The following THADA variants were observed in gnomAD, a reference collection of about 807,000 sequenced individuals.
The protein encoded by THADA is tRNA (32-2'-O)-methyltransferase regulator THADA.
THADA carries 213 observed loss-of-function variants against 219.8 expected under a neutral mutation model. The ratio of observed to expected loss-of-function variants is 0.97; its 90% CI spans 0.87 to 1.09. The LOEUF (loss-of-function observed/expected upper bound fraction) is 1.09, where lower values mean the gene tolerates loss of function less well. Ranked by LOEUF, THADA falls within the 50% of genes least tolerant of loss-of-function variation. THADA has a pLI of 0.00. For synonymous variants in THADA, 1,018 were observed against 828.9 expected (o/e 1.23, Z -3.92); for missense variants, 2,956 against 2,311.3 (o/e 1.28, Z -5.72).
chr2:43,243,139 T>C (rs1459586657), intron 36 of THADA, among the ~76,000 whole-genome samples: 1 of 152,188 alleles, frequency 6.6e-6, no homozygotes, highest in Non-Finnish European at 1.5e-5. Flanking sequence ...TCCTCCTCCC[T>C]GACTTCCACT....
chr2:43,259,282 C>T (rs1472621279), intron 36 of THADA, among the ~76,000 whole-genome samples: 3 of 152,230 alleles, frequency 2.0e-5, no homozygotes, highest in Admixed American at 2.0e-4. Context: ...CTCAAGACTA[C>T]TCAAGACTAC....
At chr2:43,361,978 T>C (rs571886056) in intron 29 of THADA, among the ~76,000 whole-genome samples, 1 of 152,354 alleles carries the variant, frequency 6.6e-6, no homozygotes, top group African/African-American at 2.4e-5. Flanking sequence ...TAAATTCACA[T>C]ATCCAGAGGT....
In THADA at chr2:43,556,537, C is replaced by A; in HGVS notation, c.2482G>T (p.Gly828Cys). ...AGCTCCAATGCTGCCTGAAATAAGC[C>A]TTGCAGTTTCCCCGAATCCTAGAAT... ...VHFQDSGKLQ[G>C]LFQAALELST... Residue 828 changes from glycine to cysteine, a missense_variant, in exon 17 of 38, where the codon GGC (glycine) becomes TGC (cysteine). Physicochemically the swap from Gly to Cys is radical, Grantham distance 159. Transcript: ENST00000405975. 1 of 1,613,612 alleles carries A rather than the reference C, an allele frequency of 6.2e-7. No individual in the cohort carries two copies. The highest frequency in any genetic ancestry group is 1.1e-5 in the South Asian group (1 of 91,060).
intron 29 of THADA, among the ~76,000 whole-genome samples, chr2:43,347,922 CAG>C (rs1403116701): frequency 2.6e-5 from 4 of 152,122 alleles, no homozygotes; most frequent in Admixed American, 2.0e-4. Context: ...AAGATTTCTT[CAG>C]AGAGTGCTGT....
At chr2:43,299,247 A>T (rs6719754) in intron 31 of THADA, among the ~76,000 whole-genome samples, 33,093 of 152,112 alleles carry the variant, frequency 0.22, 4,471 homozygotes, top group African/African-American at 0.38. Flanking sequence ...GGATAAAGGA[A>T]GCTTAACTGC....
chr2:43,490,824 A>G (rs1454021918), intron 25 of THADA, among the ~76,000 whole-genome samples: 1 of 152,136 alleles, frequency 6.6e-6, no homozygotes, highest in Non-Finnish European at 1.5e-5. Context: ...AGGGTTTAGT[A>G]CTAACCATGG....
At chr2:43,549,808 A>G (rs1294101996) in intron 19 of THADA, among the ~76,000 whole-genome samples, 2 of 152,094 alleles carry the variant, frequency 1.3e-5, no homozygotes, top group East Asian at 3.8e-4. Flanking sequence ...TAAAATATAA[A>G]TAAATATAAA....
chr2:43,249,722 T>C (rs917217639), intron 36 of THADA, among the ~76,000 whole-genome samples: 1 of 152,224 alleles, frequency 6.6e-6, no homozygotes, highest in Non-Finnish European at 1.5e-5. Context: ...CCCTTTCTCT[T>C]AAGTTCTTCC....
chr2:43,409,658 G>T (rs1465348740), intron 28 of THADA, among the ~76,000 whole-genome samples: 4 of 151,926 alleles, frequency 2.6e-5, no homozygotes, highest in Admixed American at 6.6e-5. Flanking sequence ...TGTTTTTCTG[G>T]TTCTACATGC....
intron 28 of THADA, among the ~76,000 whole-genome samples, chr2:43,401,432 C>A (rs924793569): frequency 2.0e-5 from 3 of 152,164 alleles, no homozygotes; most frequent in African/African-American, 7.2e-5. Flanking sequence ...GCGCCTGCCA[C>A]CACGCCCAGC....
At chr2:43,475,975 A>G (rs1156449276) in intron 26 of THADA, among the ~76,000 whole-genome samples, 1 of 152,242 alleles carries the variant, frequency 6.6e-6, no homozygotes, top group Non-Finnish European at 1.5e-5. Context: ...TGCCTAATCA[A>G]TATTTATTCC....
chr2:43,550,063 T>G (rs1696571020), intron 19 of THADA, among the ~76,000 whole-genome samples: 1 of 152,214 alleles, frequency 6.6e-6, no homozygotes, highest in Admixed American at 6.5e-5. Flanking sequence ...GATTAGGAAA[T>G]GTAAGCTCCA....
chr2:43,291,794 C>A (rs368280795), intron 33 of THADA, 26 bp from the exon 34 acceptor site: 7 of 1,495,336 alleles, frequency 4.7e-6, no homozygotes, highest in South Asian at 1.3e-5. Flanking sequence ...AACAAAAAAA[C>A]AACACAAAAT....
At chr2:43,277,976 A>T (rs889588591) in intron 36 of THADA, among the ~76,000 whole-genome samples, 1 of 144,034 alleles carries the variant, frequency 6.9e-6, no homozygotes, top group Non-Finnish European at 1.5e-5. Flanking sequence ...TTTGAGATGA[A>T]GTCTTGCTCT....
At position 43,574,509 on chromosome 2, in the gene THADA, A is replaced by T. The variant is rs1010017656; in HGVS notation, c.1556T>A (p.Ile519Asn). 8 of 1,613,852 alleles carry T rather than the reference A, an allele frequency of 5.0e-6. No homozygotes were observed. Among genetic ancestry groups the T allele is most frequent in the Non-Finnish European group, 6.8e-6 (8 of 1,179,896 alleles). ...LKSQTAESSWIDQWHETWVSP... is the reference protein window; with the variant it reads ...LKSQTAESSWNDQWHETWVSP... Reference sequence around the variant, plus strand: ...AACCCAAGTCTCATGCCACTGGTCAATCCAAGAACTCTCAGCAGTCTGGGA... The same window carrying T: ...AACCCAAGTCTCATGCCACTGGTCATTCCAAGAACTCTCAGCAGTCTGGGA... Residue 519 changes from isoleucine to asparagine, a missense_variant, in exon 11 of 38, where the codon ATT (isoleucine) becomes AAT (asparagine). Physicochemically the swap from Ile to Asn is moderately radical, Grantham distance 149 (BLOSUM62 -3). Transcript: ENST00000405975.
At chr2:43,528,182 G>C (rs910292415) in intron 21 of THADA, among the ~76,000 whole-genome samples, 194 bp from the exon 22 acceptor site, 4 of 142,580 alleles carry the variant, frequency 2.8e-5, no homozygotes, top group African/African-American at 5.3e-5. Flanking sequence ...CCAGGCTGGA[G>C]TGCAGTGGCA....
chr2:43,294,118 A>G (rs1041518852), intron 31 of THADA, among the ~76,000 whole-genome samples: 2 of 152,188 alleles, frequency 1.3e-5, no homozygotes, highest in African/African-American at 4.8e-5. Flanking sequence ...TTTAAGCCCA[A>G]GTATATCCCT....
chr2:43,370,430 A>G (rs1041723029), intron 29 of THADA, among the ~76,000 whole-genome samples: 2 of 152,220 alleles, frequency 1.3e-5, no homozygotes, highest in Non-Finnish European at 2.9e-5. Flanking sequence ...GGGAAAGGAC[A>G]TACAGCAACA....
At chr2:43,371,127 G>C (rs1670752920) in intron 29 of THADA, among the ~76,000 whole-genome samples, 1 of 152,136 alleles carries the variant, frequency 6.6e-6, no homozygotes, top group Non-Finnish European at 1.5e-5. Flanking sequence ...GTAACTTGAA[G>C]GTAGATTTTT....
Sources: allele counts gnomAD v4.1 joint callset (sites outside exome capture counted in the v4.1 genomes callset), GRCh38; gene constraint gnomAD v4.1.1; transcripts MANE v1.5; gene names NCBI Gene and HGNC (gene_info 2026-07-23, HGNC 2026-07-21).